Variants in PCDHGB2 observed in about 807,000 individuals in gnomAD.
The protein encoded by PCDHGB2 is protocadherin gamma-B2.
Under a neutral mutation model 59.3 loss-of-function variants are expected in PCDHGB2, and 55 were observed. That is an observed-to-expected ratio of 0.93 (90% CI 0.75 to 1.16). The LOEUF (loss-of-function observed/expected upper bound fraction) is 1.16, where lower values mean the gene tolerates loss of function less well. Ranked by LOEUF, PCDHGB2 falls within the 50% of genes most tolerant of loss-of-function variation. The probability of loss-of-function intolerance (pLI) is 0.00; values close to 1 mark genes in which losing one functional copy is unlikely to be tolerated. For missense variants in PCDHGB2, 1,228 were observed against 1,198.5 expected (o/e 1.02, Z -0.36); for synonymous variants, 516 against 512.0 (o/e 1.01, Z -0.11).
At chr5:141,364,941 A>C in intron 1 of PCDHGB2, 1 of 1,613,952 alleles carries the variant, frequency 6.2e-7, no homozygotes, top group Non-Finnish European at 8.5e-7. Flanking sequence ...GACCGCGAGA[A>C]AGAGACTGTT....
chr5:141,409,828 C>CG (rs2095322406), intron 1 of PCDHGB2: 1 of 1,611,010 alleles, frequency 6.2e-7, no homozygotes, highest in African/African-American at 1.3e-5. Flanking sequence ...CGCCCACGCT[C>CG]AGCGCCAACG....
Position 141,384,048 on chromosome 5 carries a change from C to A in PCDHGB2, c.2421+21492C>A, listed in dbSNP as rs111794989. 4,325 of 1,611,882 alleles carry A rather than the reference C, an allele frequency of 2.7e-3. 15 individuals carry two copies. Among genetic ancestry groups the A allele is most frequent in the Admixed American group, 9.3e-3 (555 of 59,694 alleles). ...ATTCTGGAAAGAATGGTGAGGTGACCTGCACCATTCCAGAAAACCTACCTT... is the reference window on the plus strand; with the variant it reads ...ATTCTGGAAAGAATGGTGAGGTGACATGCACCATTCCAGAAAACCTACCTT... On this transcript the variant is annotated intron_variant, in intron 1 of 3. Transcript: ENST00000522605.
At chr5:141,388,363 C>T (rs778705302) in intron 1 of PCDHGB2, 6 of 1,613,854 alleles carry the variant, frequency 3.7e-6, no homozygotes, top group South Asian at 3.3e-5. Flanking sequence ...GCCCATGATG[C>T]GGATATTGGT....
chr5:141,404,392 T>A, intron 1 of PCDHGB2: 1 of 1,613,938 alleles, frequency 6.2e-7, no homozygotes, highest in Non-Finnish European at 8.5e-7. Context: ...ATGACCCTGA[T>A]AGCAATGAGA....
intron 2 of PCDHGB2, among the ~76,000 whole-genome samples, chr5:141,499,102 C>T (rs1172661012): frequency 1.3e-5 from 2 of 152,170 alleles, no homozygotes; most frequent in Admixed American, 6.5e-5. Context: ...TGCTTCTCCT[C>T]CCCACCACTA....
At chr5:141,390,163 C>G (rs376391116) in intron 1 of PCDHGB2, 6 of 1,613,992 alleles carry the variant, frequency 3.7e-6, no homozygotes, top group Non-Finnish European at 5.1e-6. Flanking sequence ...ACAGGAAAGA[C>G]GGAGTTTAAT....
At chr5:141,369,409 A>G (rs1468517805) in intron 1 of PCDHGB2, among the ~76,000 whole-genome samples, 1 of 152,194 alleles carries the variant, frequency 6.6e-6, no homozygotes, top group Non-Finnish European at 1.5e-5. Flanking sequence ...GTTCATGACT[A>G]TAATCCCAGC....
intron 1 of PCDHGB2, chr5:141,422,210 T>C: frequency 6.4e-7 from 1 of 1,562,390 alleles, no homozygotes; most frequent in South Asian, 1.2e-5. Flanking sequence ...GGTGGAGGTC[T>C]CTTTACCACC....
intron 2 of PCDHGB2, among the ~76,000 whole-genome samples, chr5:141,503,909 C>T (rs904260329): frequency 1.3e-5 from 2 of 152,156 alleles, no homozygotes; most frequent in Admixed American, 1.3e-4. Flanking sequence ...ACACACACAA[C>T]GCAACACACA....
Position 141,486,544 on chromosome 5 carries a change from G to C in PCDHGB2, c.2422-8263G>C, listed in dbSNP as rs1376583724. Reference sequence around the variant, plus strand: ...ATGATAATCCACCCTCTTTCTTTCAGAGGTCACATGAGGTGTTTGTTCCTG... The same window carrying C: ...ATGATAATCCACCCTCTTTCTTTCACAGGTCACATGAGGTGTTTGTTCCTG... On this transcript the variant is annotated intron_variant, in intron 1 of 3. Coordinates refer to ENST00000522605, the MANE Select transcript of PCDHGB2 (RefSeq NM_018923.3). The surrounding 1 kb of genome is among the most constrained non-coding windows in gnomAD (Gnocchi z 5.0). The C allele has an allele frequency of 6.2e-7, 1 of 1,613,964 alleles. No homozygotes were observed. The highest frequency in any genetic ancestry group is 1.3e-5 in the African/African-American group (1 of 74,932).
At chr5:141,478,425 A>G (rs1454100826) in intron 1 of PCDHGB2, 1 of 1,613,542 alleles carries the variant, frequency 6.2e-7, no homozygotes, top group African/African-American at 1.3e-5. Context: ...CGCCGCAGCG[A>G]CCCGCTGCTG....
In PCDHGB2 at chr5:141,485,126, G is replaced by C; in HGVS notation, c.2422-9681G>C. ...TGCTGTGGCTGTTTGGGGCGGGTCG[G>C]CTTCATCCGCGTCTCAGGAGCAAGT... On this transcript the variant is annotated intron_variant, in intron 1 of 3. Transcript: ENST00000522605. The surrounding 1 kb of genome is among the most constrained non-coding windows in gnomAD (Gnocchi z 5.7). 1.4e-6 allele frequency: 2 copies of C among 1,432,378 alleles called. No homozygotes were observed. The highest frequency in any genetic ancestry group is 2.4e-5 in the South Asian group (2 of 81,724). 88.7% of individuals were successfully genotyped at this position (1,432,378 alleles called of 1,614,324 possible). A position where few individuals can be genotyped will look rare whatever the true frequency, so the allele number is the denominator to read the frequency against.
rs1193417991 is a variant in PCDHGB2 at position 141,491,413 on chromosome 5, G to T, written c.2422-3394G>T. The T allele has an allele frequency of 6.2e-7, 1 of 1,614,064 alleles. No individual in the cohort carries two copies. Among genetic ancestry groups the T allele is most frequent in the South Asian group, 1.1e-5 (1 of 91,074 alleles). ...CCTTCAGGGAAACGCAGACGGGGAC[G>T]GGGGTGGAGGGCAGTGCTGCAGGCG... On this transcript the variant is annotated intron_variant, in intron 1 of 3. Transcript: ENST00000522605. This position sits in a 1 kb window ranked among gnomAD's most constrained non-coding sequence, Gnocchi z 6.9.
At chr5:141,503,263 C>T (rs2099818883) in intron 2 of PCDHGB2, among the ~76,000 whole-genome samples, 2 of 152,212 alleles carry the variant, frequency 1.3e-5, no homozygotes, top group South Asian at 4.2e-4. Context: ...GCCACAACCC[C>T]AGCACCTGGC....
Position 141,486,316 on chromosome 5 carries a change from A to G in PCDHGB2, c.2422-8491A>G, listed in dbSNP as rs1251956899. The G allele has an allele frequency of 6.2e-7, 1 of 1,614,066 alleles. No individual in the cohort carries two copies. On this transcript the variant is annotated intron_variant, in intron 1 of 3. Transcript: ENST00000522605. This position sits in a 1 kb window ranked among gnomAD's most constrained non-coding sequence, Gnocchi z 5.0. ...GTGTGCAGGATCCAGACTCAGGGTC[A>G]AACGGAGATGTGAGCCTCCGCATTC...
chr5:141,482,492 T>C (rs1167963137), intron 1 of PCDHGB2, among the ~76,000 whole-genome samples: 1 of 144,468 alleles, frequency 6.9e-6, no homozygotes, highest in Non-Finnish European at 1.5e-5. Flanking sequence ...TTAAAAGTTA[T>C]CATTCTGGTA....
chr5:141,490,604 A>T lies in PCDHGB2; in HGVS notation c.2422-4203A>T, dbSNP rs749528675. ...GTCAATGACAATGCACCCCGCTTCA[A>T]CCAGCAGCTTTACACTGCTTACATC... On this transcript the variant is annotated intron_variant, in intron 1 of 3. Transcript: ENST00000522605. The surrounding 1 kb of genome is among the most constrained non-coding windows in gnomAD (Gnocchi z 5.4). 6.2e-7 allele frequency: 1 copy of T among 1,614,192 alleles called. No homozygotes were observed. The highest frequency in any genetic ancestry group is 8.5e-7 in the Non-Finnish European group (1 of 1,180,022).
At position 141,384,871 on chromosome 5, in the gene PCDHGB2, G is replaced by A. The variant is rs769607351; in HGVS notation, c.2421+22315G>A. On this transcript the variant is annotated intron_variant, in intron 1 of 3. Coordinates refer to ENST00000522605, the MANE Select transcript of PCDHGB2 (RefSeq NM_018923.3). ...CGGTCAGCCTCCTCTGTCAGCCACC[G>A]TCACACTCACCGTGGCTGTGGCTGA... is the stretch of plus-strand genomic sequence containing the variant. 9 of 1,613,648 alleles carry A rather than the reference G, an allele frequency of 5.6e-6. No individual in the cohort carries two copies. Among genetic ancestry groups the A allele is most frequent in the South Asian group, 1.1e-5 (1 of 91,092 alleles).
chr5:141,390,118 C>G, intron 1 of PCDHGB2: 2 of 1,614,036 alleles, frequency 1.2e-6, no homozygotes, highest in Non-Finnish European at 1.7e-6. Context: ...AGCGAGGGGA[C>G]TTTGCCTTAT....
Sources: gnomAD v4.1 joint callset for allele counts (sites outside exome capture counted in the v4.1 genomes callset) on GRCh38, gnomAD v4.1.1 for gene constraint, Gnocchi (gnomAD v3.1) non-coding constraint, MANE v1.5 for transcripts, NCBI Gene and HGNC (gene_info 2026-07-23, HGNC 2026-07-21) for gene names.